ROR2: variants seen among roughly 807,000 people sequenced by gnomAD.
ROR2 encodes the protein ROR family WNT receptor 2.
ROR2 carries 33 observed loss-of-function variants against 74.9 expected under a neutral mutation model. The ratio of observed to expected loss-of-function variants is 0.44; its 90% CI spans 0.33 to 0.59. The LOEUF (loss-of-function observed/expected upper bound fraction) is 0.59, where lower values mean the gene tolerates loss of function less well. Among genes scored for constraint, ROR2 ranks in the 20% least tolerant of loss-of-function variants. ROR2 has a pLI of 0.02. For missense variants in ROR2, 1,216 were observed against 1,313.8 expected, an observed-to-expected ratio of 0.93 and a Z score of 1.15; for synonymous variants, 586 against 558.7, an observed-to-expected ratio of 1.05 and a Z score of -0.69.
At chr9:91,824,946 C>T (rs965863630) in intron 1 of ROR2, among the ~76,000 whole-genome samples, 20 of 152,332 alleles carry the variant, frequency 1.3e-4, no homozygotes, top group Admixed American at 1.2e-3. Flanking sequence ...ACCCCCGGCC[C>T]GCTGGCCCCA....
intron 1 of ROR2, among the ~76,000 whole-genome samples, chr9:91,796,750 G>GA (rs1356807129): frequency 1.4e-5 from 2 of 147,372 alleles, no homozygotes; most frequent in Non-Finnish European, 3.0e-5. Context: ...GGGCGGGGCT[G>GA]ACACCCTGCA....
chr9:91,931,847 T>C (rs1831556882), intron 1 of ROR2, among the ~76,000 whole-genome samples: 1 of 152,240 alleles, frequency 6.6e-6, no homozygotes, highest in Admixed American at 6.5e-5. Flanking sequence ...TGGGACAATT[T>C]ATAGCCTTAA....
chr9:91,802,069 T>G (rs1383993405), intron 1 of ROR2, among the ~76,000 whole-genome samples: 1 of 100,318 alleles, frequency 1.0e-5, no homozygotes, highest in Non-Finnish European at 1.7e-5. Flanking sequence ...TGGAAGGTGT[T>G]TTTTTTTTTT....
chr9:91,923,363 T>G (rs536308028), intron 1 of ROR2, among the ~76,000 whole-genome samples: 139 of 152,332 alleles, frequency 9.1e-4, no homozygotes, highest in Non-Finnish European at 1.3e-3. Flanking sequence ...GTTTGTAATT[T>G]TATTCAGTCT....
chr9:91,910,845 G>A (rs1402255487), intron 1 of ROR2, among the ~76,000 whole-genome samples: 2 of 152,086 alleles, frequency 1.3e-5, no homozygotes, highest in Non-Finnish European at 2.9e-5. Context: ...TGTATTTTTA[G>A]TAGAGACGGG....
chr9:91,877,030 G>A (rs1356233395), intron 1 of ROR2, among the ~76,000 whole-genome samples: 4 of 152,056 alleles, frequency 2.6e-5, no homozygotes, highest in Non-Finnish European at 5.9e-5. Flanking sequence ...ACCCCTCCAA[G>A]CAAAAACAAG....
At chr9:91,800,168 C>G (rs954301079) in intron 1 of ROR2, among the ~76,000 whole-genome samples, 1 of 152,006 alleles carries the variant, frequency 6.6e-6, no homozygotes, top group Non-Finnish European at 1.5e-5. Flanking sequence ...ATGGTGAAAC[C>G]CTGTCTCTAC....
Position 91,733,178 on chromosome 9 carries a change from C to A in ROR2, c.881G>T (p.Ser294Ile), listed in dbSNP as rs1187980675. Reference protein sequence around the residue: ...PKCEALPMPESPDAANCMRIG... With the variant: ...PKCEALPMPEIPDAANCMRIG... ...GCGCATGCAGTTGGCAGCGTCGGGG[C>A]TCTCAGGCATGGGCAGCGCCTCACA... is the stretch of plus-strand genomic sequence containing the variant. Residue 294 changes from serine to isoleucine, a missense_variant, in exon 6 of 9, where the codon AGC becomes ATC. By Grantham distance (142) the Ser-to-Ile change is moderately radical. Transcript: ENST00000375708. This position sits in a 1 kb window ranked among gnomAD's most constrained non-coding sequence, Gnocchi z 5.7. 2 of 1,609,036 alleles carry A rather than the reference C, an allele frequency of 1.2e-6. No homozygotes were observed. Among genetic ancestry groups the A allele is most frequent in the Non-Finnish European group, 8.5e-7 (1 of 1,178,648 alleles).
intron 1 of ROR2, among the ~76,000 whole-genome samples, chr9:91,814,505 C>T (rs911029256): frequency 6.6e-6 from 1 of 152,138 alleles, no homozygotes; most frequent in Non-Finnish European, 1.5e-5. Context: ...GACTGCCAGC[C>T]GCTGACAAGC....
At chr9:91,802,351 C>T (rs920688755) in intron 1 of ROR2, among the ~76,000 whole-genome samples, 3 of 152,134 alleles carry the variant, frequency 2.0e-5, no homozygotes, top group Admixed American at 6.6e-5. Context: ...GCTGAGATTA[C>T]AGGCGTGAGC....
chr9:91,860,802 C>A (rs1829447406), intron 1 of ROR2, among the ~76,000 whole-genome samples: 1 of 152,174 alleles, frequency 6.6e-6, no homozygotes. Context: ...TCCACCAACT[C>A]CCACGCCAGT....
chr9:91,855,613 T>C (rs1829255900), intron 1 of ROR2, among the ~76,000 whole-genome samples: 1 of 152,168 alleles, frequency 6.6e-6, no homozygotes, highest in Non-Finnish European at 1.5e-5. Context: ...GCAATCAGCC[T>C]GCCTTTGCTG....
intron 5 of ROR2, among the ~76,000 whole-genome samples, chr9:91,735,094 A>T (rs1370408189): frequency 6.6e-6 from 1 of 152,172 alleles, no homozygotes; most frequent in Non-Finnish European, 1.5e-5. Flanking sequence ...TCTTGGGCTA[A>T]TCCACTGATA....
At chr9:91,830,809 C>CGTGTGTGTGTGTGTGTGTGTGTGTGT (rs34963566) in intron 1 of ROR2, among the ~76,000 whole-genome samples, 1 of 139,576 alleles carries the variant, frequency 7.2e-6, no homozygotes, top group Admixed American at 7.2e-5. Flanking sequence ...TAACTGTGTC[C>CGTGTGTGTGTGTGTGTGTGTGTGTGT]GTGTGTGTGT....
intron 1 of ROR2, among the ~76,000 whole-genome samples, chr9:91,926,875 G>C (rs984320368): frequency 6.6e-6 from 1 of 152,114 alleles, no homozygotes; most frequent in African/African-American, 2.4e-5. Context: ...TGGGGAGAGA[G>C]CTTCTGTTTG....
At chr9:91,923,429 C>A (rs2117878519) in intron 1 of ROR2, among the ~76,000 whole-genome samples, 1 of 152,328 alleles carries the variant, frequency 6.6e-6, no homozygotes, top group Non-Finnish European at 1.5e-5. Flanking sequence ...TTGGACGGTA[C>A]AGCTACAGAA....
chr9:91,779,157 C>A (rs187123394), intron 1 of ROR2, among the ~76,000 whole-genome samples: 124 of 151,926 alleles, frequency 8.2e-4, no homozygotes, highest in African/African-American at 3.0e-3. Context: ...TGTACCATGC[C>A]AAGGTAAGGT....
intron 1 of ROR2, among the ~76,000 whole-genome samples, chr9:91,841,695 A>G (rs1397141772): frequency 6.6e-6 from 1 of 152,174 alleles, no homozygotes; most frequent in Non-Finnish European, 1.5e-5. Flanking sequence ...ACACGTCTGC[A>G]TGACCTCTCC....
At chr9:91,869,754 C>T (rs190267271) in intron 1 of ROR2, among the ~76,000 whole-genome samples, 1 of 152,176 alleles carries the variant, frequency 6.6e-6, no homozygotes, top group Non-Finnish European at 1.5e-5. Context: ...ACAAAGCTAC[C>T]CATACTTGTG....
Sources: gnomAD v4.1 joint callset for allele counts (sites outside exome capture counted in the v4.1 genomes callset) on GRCh38, gnomAD v4.1.1 for gene constraint, Gnocchi (gnomAD v3.1) non-coding constraint, MANE v1.5 for transcripts, NCBI Gene and HGNC (gene_info 2026-07-23, HGNC 2026-07-21) for gene names.